The following UVRAG variants were observed in gnomAD, a reference collection of about 807,000 sequenced individuals.
UVRAG encodes the protein UV radiation resistance associated, also known as UV radiation resistance-associated gene protein.
A neutral mutation model predicts 78.0 loss-of-function variants in UVRAG; 19 were observed. That is an observed-to-expected ratio of 0.24 (90% CI 0.17 to 0.36). The LOEUF is 0.36. Ranked by LOEUF, UVRAG falls within the 10% of genes least tolerant of loss-of-function variation. UVRAG has a pLI of 1.00. For synonymous variants in UVRAG, 323 were observed against 324.6 expected, an observed-to-expected ratio of 1.00 and a Z score of 0.05; for missense variants, 740 against 853.8, an observed-to-expected ratio of 0.87 and a Z score of 1.66.
chr11:76,097,337 G>A (rs1388476828), intron 13 of UVRAG, among the ~76,000 whole-genome samples: 1 of 152,052 alleles, frequency 6.6e-6, no homozygotes, highest in Non-Finnish European at 1.5e-5. Flanking sequence ...GCCACACCAC[G>A]TGCTGTTTCT....
chr11:75,837,477 A>G (rs1294577977), intron 1 of UVRAG: 1 of 152,064 alleles, frequency 6.6e-6, no homozygotes, highest in Non-Finnish European at 1.5e-5. Context: ...ATGCTATGTA[A>G]ATAGTTGTTA....
intron 6 of UVRAG, among the ~76,000 whole-genome samples, chr11:75,959,999 C>T (rs1009237133): frequency 1.3e-5 from 2 of 152,090 alleles, no homozygotes; most frequent in Admixed American, 6.5e-5. Context: ...GGGTACAGCT[C>T]GTGGTGCTCC....
At chr11:75,899,340 T>C (rs1324294478) in intron 5 of UVRAG, among the ~76,000 whole-genome samples, 1 of 152,158 alleles carries the variant, frequency 6.6e-6, no homozygotes, top group African/African-American at 2.4e-5. Context: ...TCCATTTCTC[T>C]TCTCAGGAAT....
intron 6 of UVRAG, among the ~76,000 whole-genome samples, chr11:75,924,394 GT>G (rs533251462): frequency 6.7e-6 from 1 of 148,460 alleles, no homozygotes. Context: ...TTTTGTTTTT[GT>G]TTTTTTTTGT....
intron 14 of UVRAG, among the ~76,000 whole-genome samples, chr11:76,129,988 A>T (rs1952484076): frequency 6.6e-6 from 1 of 151,976 alleles, no homozygotes; most frequent in South Asian, 2.1e-4. Context: ...AGTTCTAAAC[A>T]TGGCTTGTGG....
chr11:75,839,404 T>G (rs1945858842), intron 1 of UVRAG, among the ~76,000 whole-genome samples: 1 of 152,146 alleles, frequency 6.6e-6, no homozygotes, highest in African/African-American at 2.4e-5. Context: ...ATGGTTTCTT[T>G]GGGTACTTTC....
intron 3 of UVRAG, among the ~76,000 whole-genome samples, chr11:75,866,292 G>A (rs916558013): frequency 6.6e-6 from 1 of 151,908 alleles, no homozygotes; most frequent in African/African-American, 2.4e-5. Context: ...GGCTGAGGCA[G>A]GAGGATCATG....
chr11:75,892,415 G>A, intron 5 of UVRAG: 1 of 984,172 alleles, frequency 1.0e-6, no homozygotes, highest in Non-Finnish European at 1.2e-6. Context: ...CCTCTAACGG[G>A]AATAATAGCT....
At chr11:75,961,683 C>T (rs918405850) in intron 7 of UVRAG, 134 bp downstream of exon 7, 11 of 595,758 alleles carry the variant, frequency 1.8e-5, no homozygotes, top group South Asian at 3.4e-5. Context: ...GTTCTATTGG[C>T]ATTTAAATGT....
At chr11:76,035,231 G>A (rs576609019) in intron 12 of UVRAG, among the ~76,000 whole-genome samples, 1 of 152,252 alleles carries the variant, frequency 6.6e-6, no homozygotes, top group East Asian at 1.9e-4. Context: ...GCTGAGTCAT[G>A]TTCTGTGTGA....
chr11:76,112,231 A>G (rs1952084817), intron 13 of UVRAG, among the ~76,000 whole-genome samples: 2 of 152,224 alleles, frequency 1.3e-5, no homozygotes, highest in South Asian at 4.1e-4. Flanking sequence ...ATCAGGAACC[A>G]GCATGTTAAC....
chr11:76,079,597 T>G (rs529569312), intron 13 of UVRAG, among the ~76,000 whole-genome samples: 1 of 152,332 alleles, frequency 6.6e-6, no homozygotes, highest in South Asian at 2.1e-4. Flanking sequence ...ACTAGGCTTA[T>G]GTAAGTCCAA....
chr11:76,086,437 T>C (rs1229397428), intron 13 of UVRAG, among the ~76,000 whole-genome samples: 4 of 152,230 alleles, frequency 2.6e-5, no homozygotes, highest in African/African-American at 9.6e-5. Context: ...TGGCTGTATT[T>C]TGTTTTCAGT....
intron 6 of UVRAG, among the ~76,000 whole-genome samples, chr11:75,955,480 A>G (rs1274744450): frequency 1.3e-5 from 2 of 152,210 alleles, no homozygotes; most frequent in African/African-American, 4.8e-5. Context: ...AACCTCTCAT[A>G]TATATGATGA....
intron 1 of UVRAG, among the ~76,000 whole-genome samples, chr11:75,846,509 C>G (rs7122695): frequency 0.075 from 11,454 of 151,946 alleles, 1,414 homozygotes; most frequent in African/African-American, 0.26. Flanking sequence ...TCTTCTAGGA[C>G]TTTTATAGTT....
At chr11:75,974,574 G>A (rs1319466217) in intron 7 of UVRAG, among the ~76,000 whole-genome samples, 3 of 151,394 alleles carry the variant, frequency 2.0e-5, no homozygotes, top group African/African-American at 7.3e-5. Context: ...CACCTTGTTA[G>A]CCAGGATGGT....
chr11:76,027,256 A>C (rs946768718), intron 12 of UVRAG, among the ~76,000 whole-genome samples: 1 of 152,116 alleles, frequency 6.6e-6, no homozygotes, highest in Admixed American at 6.6e-5. Context: ...GGAGCCTGAA[A>C]TACTCCCTTT....
chr11:75,837,135 C>T (rs1275804489), intron 1 of UVRAG, among the ~76,000 whole-genome samples: 1 of 151,314 alleles, frequency 6.6e-6, no homozygotes, highest in African/African-American at 2.5e-5. Context: ...CAAGACCATC[C>T]TGGCTAACAG....
At chr11:76,057,971 T>A (rs529967667) in intron 12 of UVRAG, among the ~76,000 whole-genome samples, 1 of 152,150 alleles carries the variant, frequency 6.6e-6, no homozygotes, top group Admixed American at 6.5e-5. Flanking sequence ...TGTGGTTTTT[T>A]TTGTTGTTGT....
Sources: allele counts gnomAD v4.1 joint callset (sites outside exome capture counted in the v4.1 genomes callset), GRCh38; gene constraint gnomAD v4.1.1; transcripts MANE v1.5; gene names NCBI Gene and HGNC (gene_info 2026-07-23, HGNC 2026-07-21).